The following DCC variants were observed in gnomAD, a reference collection of about 807,000 sequenced individuals.
DCC encodes netrin receptor DCC.
In DCC, 58 loss-of-function variants were observed where a neutral mutation model predicts 172.5. That is an observed-to-expected ratio of 0.34 (90% confidence interval 0.27 to 0.42). The LOEUF is 0.42. Among genes scored for constraint, DCC ranks in the 10% least tolerant of loss-of-function variants. DCC has a pLI of 1.00. For synonymous variants in DCC, 709 were observed against 644.5 expected (o/e 1.10, Z -1.52); for missense variants, 1,740 against 1,791.0 (o/e 0.97, Z 0.51).
At chr18:52,735,417 G>A (rs556292380) in intron 1 of DCC, among the ~76,000 whole-genome samples, 1 of 152,174 alleles carries the variant, frequency 6.6e-6, no homozygotes, top group African/African-American at 2.4e-5. Flanking sequence ...AGAACTAACG[G>A]GATAGATGAA....
At position 53,417,539 on chromosome 18, in the gene DCC, A is replaced by G. The variant is rs1324950257; in HGVS notation, c.3163+1383A>G. ...AGTCTTGGTCAAATCCAAATCTGGAATAGTTAATAGCACCAGCTTTATTAT... is the reference window on the plus strand; with the variant it reads ...AGTCTTGGTCAAATCCAAATCTGGAGTAGTTAATAGCACCAGCTTTATTAT... On this transcript the variant is annotated intron_variant, in intron 21 of 28. Transcript: ENST00000442544. Among the ~76,000 whole-genome samples the G allele has an allele frequency of 3.9e-5, 6 of 152,332 alleles. No homozygotes were observed. The East Asian group carries it at 9.6e-4, about 24-fold the overall frequency.
intron 15 of DCC, among the ~76,000 whole-genome samples, chr18:53,354,345 T>C (rs925221225): frequency 6.6e-6 from 1 of 152,218 alleles, no homozygotes; most frequent in African/African-American, 2.4e-5. Flanking sequence ...CACACTGTCT[T>C]CCACAATGGT....
At chr18:53,018,867 G>A (rs1285933400) in intron 5 of DCC, among the ~76,000 whole-genome samples, 1 of 152,022 alleles carries the variant, frequency 6.6e-6, no homozygotes, top group Admixed American at 6.6e-5. Context: ...ATATAATCTT[G>A]TTTTATACCA....
intron 5 of DCC, among the ~76,000 whole-genome samples, chr18:52,935,326 G>T (rs1330629261): frequency 6.6e-6 from 1 of 151,816 alleles, no homozygotes; most frequent in Non-Finnish European, 1.5e-5. Context: ...TAAGTGTAAG[G>T]TATGATATAT....
intron 2 of DCC, among the ~76,000 whole-genome samples, chr18:52,770,511 C>T (rs530084662): frequency 6.6e-6 from 1 of 152,294 alleles, no homozygotes; most frequent in South Asian, 2.1e-4. Flanking sequence ...AGAGTGAAGG[C>T]TTCCTGAGAG....
Position 52,515,606 on chromosome 18 carries a change from C to CAAAAAAAAAAAAAAAAAAAAAAAAA in DCC, c.91+174748_91+174749insAAAAAAAAAAAAAAAAAAAAAAAAA, listed in dbSNP as rs58112743. 1.6e-3 allele frequency among the ~76,000 whole-genome samples: 17 copies of CAAAAAAAAAAAAAAAAAAAAAAAAA among 10,332 alleles called. 3 individuals carry two copies. Among genetic ancestry groups the CAAAAAAAAAAAAAAAAAAAAAAAAA allele is most frequent in the Non-Finnish European group, 2.5e-3 (10 of 3,986 alleles). 6.8% of individuals were successfully genotyped at this position (10,332 alleles called of 152,430 possible). On this transcript the variant is annotated intron_variant, in intron 1 of 28. Coordinates refer to ENST00000442544, the MANE Select transcript of DCC (RefSeq NM_005215.4). ...TGGGCGACAGAGCGAAACCCTGTCT[C>CAAAAAAAAAAAAAAAAAAAAAAAAA]AAAAAAAAAAAAAAAAAAAATCATA...
intron 15 of DCC, among the ~76,000 whole-genome samples, chr18:53,350,230 C>T (rs1333898471): frequency 2.0e-5 from 3 of 152,126 alleles, no homozygotes; most frequent in African/African-American, 7.2e-5. Flanking sequence ...ATGAATCGAA[C>T]TCGTTCACCG....
chr18:53,052,312 CTTTG>C (rs2042344500), intron 5 of DCC, among the ~76,000 whole-genome samples: 1 of 151,984 alleles, frequency 6.6e-6, no homozygotes, highest in Non-Finnish European at 1.5e-5. Context: ...TGAAAAATTT[CTTTG>C]TGTCTCTACC....
At chr18:53,518,268 A>C (rs1034929061) in intron 27 of DCC, among the ~76,000 whole-genome samples, 12 of 152,136 alleles carry the variant, frequency 7.9e-5, no homozygotes, top group African/African-American at 2.4e-4. Context: ...GGGTAAAGGA[A>C]TGGAAAATGA....
At chr18:52,513,597 T>C (rs76765043) in intron 1 of DCC, among the ~76,000 whole-genome samples, 1 of 152,310 alleles carries the variant, frequency 6.6e-6, no homozygotes, top group South Asian at 2.1e-4. Flanking sequence ...CATTTACTTA[T>C]TTACTTTATA....
At chr18:52,407,548 TTTAA>T (rs778222273) in intron 1 of DCC, among the ~76,000 whole-genome samples, 111 of 152,156 alleles carry the variant, frequency 7.3e-4, no homozygotes, top group Non-Finnish European at 1.3e-3. Context: ...AAAATTATTC[TTTAA>T]TTGTTTCAAC....
At chr18:53,239,439 C>T (rs1049151563) in intron 12 of DCC, among the ~76,000 whole-genome samples, 6 of 152,022 alleles carry the variant, frequency 3.9e-5, no homozygotes, top group African/African-American at 1.2e-4. Flanking sequence ...ATATTCTCTG[C>T]TCTAAGCTCT....
chr18:53,320,131 G>A (rs2144821916), intron 13 of DCC, among the ~76,000 whole-genome samples: 1 of 143,820 alleles, frequency 7.0e-6, no homozygotes, highest in East Asian at 2.1e-4. Flanking sequence ...GGAGTGCAGT[G>A]GCATGGTCTC....
chr18:52,764,698 G>A (rs62081914), intron 2 of DCC, among the ~76,000 whole-genome samples: 14,744 of 152,186 alleles, frequency 0.097, 941 homozygotes, highest in Middle Eastern at 0.2. Flanking sequence ...TTTCAAAACC[G>A]AAAGCCAAAT....
intron 14 of DCC, among the ~76,000 whole-genome samples, chr18:53,339,456 A>C (rs1036001485): frequency 6.6e-6 from 1 of 152,206 alleles, no homozygotes; most frequent in African/African-American, 2.4e-5. Flanking sequence ...GTAAGACGCT[A>C]TTGGAATAAA....
intron 1 of DCC, among the ~76,000 whole-genome samples, chr18:52,454,317 AAC>A (rs750334211): frequency 3.3e-5 from 5 of 152,174 alleles, no homozygotes; most frequent in Non-Finnish European, 7.3e-5. Flanking sequence ...ACTCAATGAG[AAC>A]ACACATGACT....
rs779320908 is a variant in DCC, at chr18:52,501,143, A to G, written c.91+160265A>G. On this transcript the variant is annotated intron_variant, in intron 1 of 28. Coordinates refer to ENST00000442544, the MANE Select transcript of DCC (RefSeq NM_005215.4). Reference sequence around the variant, plus strand: ...AATCTTCGCACGTTGGTAATTTTATATTAGAGATTTTGCTCATCAGTTTCT... The same window carrying G: ...AATCTTCGCACGTTGGTAATTTTATGTTAGAGATTTTGCTCATCAGTTTCT... Among the ~76,000 whole-genome samples the G allele has an allele frequency of 2.0e-4, 30 of 152,184 alleles. 1 individual carries two copies. Among genetic ancestry groups the G allele is most frequent in the Non-Finnish European group, 3.4e-4 (23 of 68,034 alleles).
intron 22 of DCC, among the ~76,000 whole-genome samples, chr18:53,440,264 A>G (rs1912189330): frequency 6.6e-6 from 1 of 152,212 alleles, no homozygotes; most frequent in South Asian, 2.1e-4. Context: ...AGCTCTACCT[A>G]TAATTTGTAA....
rs552198847 is a variant in DCC, at chr18:53,168,161, C to T, written c.1418+10649C>T. Among the ~76,000 whole-genome samples, 3 of 152,200 alleles carry T rather than the reference C, an allele frequency of 2.0e-5. No individual in the cohort carries two copies. The East Asian group carries it at 5.8e-4, about 29-fold the overall frequency. On this transcript the variant is annotated intron_variant, in intron 8 of 28. Transcript: ENST00000442544. ...CATTGTGGAAGACGGTGTAGCGATT[C>T]CTCAAGGATCTACAACCAGAAATAC...
Sources: allele counts gnomAD v4.1 joint callset (sites outside exome capture counted in the v4.1 genomes callset), GRCh38; gene constraint gnomAD v4.1.1; transcripts MANE v1.5; gene names NCBI Gene and HGNC (gene_info 2026-07-23, HGNC 2026-07-21).